The following ANKRD44 variants were observed in gnomAD, a reference collection of about 807,000 sequenced individuals.
The protein encoded by ANKRD44 is ankyrin repeat domain 44, also known as serine/threonine-protein phosphatase 6 regulatory ankyrin repeat subunit B.
Under a neutral mutation model 116.0 loss-of-function variants are expected in ANKRD44, and 35 were observed. The observed-to-expected ratio is 0.30, with a 90% CI of 0.23 to 0.40. ANKRD44 has a LOEUF of 0.40. Among genes scored for constraint, ANKRD44 ranks in the 10% least tolerant of loss-of-function variants. The pLI, the probability that ANKRD44 is intolerant of heterozygous loss-of-function variation, is 1.00. For synonymous variants in ANKRD44, 435 were observed against 461.8 expected (o/e 0.94, Z 0.74); for missense variants, 1,014 against 1,242.6 (o/e 0.82, Z 2.77).
At chr2:197,026,995 GAT>G (rs1280575924) in intron 16 of ANKRD44, among the ~76,000 whole-genome samples, 2 of 151,862 alleles carry the variant, frequency 1.3e-5, no homozygotes, top group African/African-American at 4.8e-5. Flanking sequence ...CTGTGAGTGG[GAT>G]ATATATAGTG....
chr2:197,174,414 T>A (rs1191568652), intron 2 of ANKRD44, among the ~76,000 whole-genome samples: 2 of 152,232 alleles, frequency 1.3e-5, no homozygotes, highest in African/African-American at 4.8e-5. Context: ...TGTATCCACA[T>A]AGATGAATCT....
At chr2:196,984,848 G>C (rs116608032), downstream of ANKRD44, among the ~76,000 whole-genome samples, 2 of 152,208 alleles carry the variant, frequency 1.3e-5, no homozygotes, top group Non-Finnish European at 2.9e-5. Context: ...CCAGGGTGGC[G>C]AGTAGCTTCC....
intron 21 of ANKRD44, among the ~76,000 whole-genome samples, chr2:196,977,593 A>T (rs2075769915): frequency 6.6e-6 from 1 of 152,280 alleles, no homozygotes; most frequent in Non-Finnish European, 1.5e-5. Context: ...GCACACAGAA[A>T]GGTGCTTGAC....
intron 1 of ANKRD44, among the ~76,000 whole-genome samples, chr2:197,222,816 A>AT (rs1248757485): frequency 1.2e-4 from 14 of 121,662 alleles, no homozygotes; most frequent in African/African-American, 4.1e-4. Flanking sequence ...TTTTTTATTT[A>AT]TTTATTTTTT....
chr2:197,089,903 A>T, intron 11 of ANKRD44, 47 bp downstream of exon 11: 1 of 1,541,646 alleles, frequency 6.5e-7, no homozygotes, highest in South Asian at 1.1e-5. Flanking sequence ...CCATTGACTC[A>T]TGTACAGGAC....
At chr2:197,139,470 T>C (rs561398246) in intron 3 of ANKRD44, among the ~76,000 whole-genome samples, 8 of 152,284 alleles carry the variant, frequency 5.3e-5, no homozygotes, top group African/African-American at 1.4e-4. Flanking sequence ...TATGGATGCA[T>C]AGATATAAAA....
chr2:197,047,037 A>G (rs193251451), intron 16 of ANKRD44, among the ~76,000 whole-genome samples: 1 of 138,186 alleles, frequency 7.2e-6, no homozygotes, highest in Admixed American at 7.3e-5. Context: ...TTTTTTTTTG[A>G]GATGGAGTTT....
At chr2:197,081,819 T>G in intron 14 of ANKRD44, 94 bp from the exon 15 acceptor site, 1 of 995,248 alleles carries the variant, frequency 1.0e-6, no homozygotes, top group Non-Finnish European at 1.5e-6. Context: ...TCTCAATGAT[T>G]TTTACCCCAA....
chr2:197,137,007 G>C (rs1162424011), intron 3 of ANKRD44, among the ~76,000 whole-genome samples: 2 of 152,186 alleles, frequency 1.3e-5, no homozygotes, highest in African/African-American at 2.4e-5. Context: ...CTCACACTCA[G>C]AAGAGTGCCC....
At chr2:197,109,593 G>A (rs2078517323) in intron 9 of ANKRD44, among the ~76,000 whole-genome samples, 1 of 152,144 alleles carries the variant, frequency 6.6e-6, no homozygotes, top group Non-Finnish European at 1.5e-5. Flanking sequence ...ACATAACTCA[G>A]TGCCACTAAT....
intron 1 of ANKRD44, among the ~76,000 whole-genome samples, chr2:197,271,034 G>A (rs2082884402): frequency 6.6e-6 from 1 of 152,212 alleles, no homozygotes; most frequent in Non-Finnish European, 1.5e-5. Flanking sequence ...GCTGGGAAGA[G>A]CCGCATTCTT....
At position 196,989,369 on chromosome 2, in the gene ANKRD44, A is replaced by G; in HGVS notation, c.*222T>C. 9.0e-7 allele frequency: 1 copy of G among 1,115,228 alleles called. No individual in the cohort carries two copies. Among genetic ancestry groups the G allele is most frequent in the Non-Finnish European group, 1.1e-6 (1 of 913,002 alleles). The allele number at this position is 1,115,228 out of a possible 1,614,324, so 69.1% of individuals were successfully genotyped here. On this transcript the variant is annotated 3_prime_UTR_variant, in exon 28 of 28. Transcript: ENST00000282272. Reference sequence around the variant, plus strand: ...GTCCTAAGAAATATAAAATACAACAAAGACTGGTACACAGAAAGATTACAT... The same window carrying G: ...GTCCTAAGAAATATAAAATACAACAGAGACTGGTACACAGAAAGATTACAT...
chr2:197,259,383 A>T (rs557523953), intron 1 of ANKRD44, among the ~76,000 whole-genome samples: 1 of 152,290 alleles, frequency 6.6e-6, no homozygotes, highest in East Asian at 1.9e-4. Context: ...TTGTAAACCT[A>T]AGAAACAAAA....
At chr2:197,121,747 A>T (rs2078859871) in intron 7 of ANKRD44, among the ~76,000 whole-genome samples, 1 of 152,242 alleles carries the variant, frequency 6.6e-6, no homozygotes, top group African/African-American at 2.4e-5. Flanking sequence ...TCAATGTGGC[A>T]AAAAATGAAC....
intron 16 of ANKRD44, among the ~76,000 whole-genome samples, chr2:197,027,281 T>C (rs1354577576): frequency 2.0e-5 from 3 of 152,058 alleles, no homozygotes; most frequent in Non-Finnish European, 4.4e-5. Context: ...AGGACGGCTT[T>C]AGCCCGGGAG....
At chr2:197,019,607 G>A (rs1355474235) in intron 17 of ANKRD44, among the ~76,000 whole-genome samples, 1 of 152,184 alleles carries the variant, frequency 6.6e-6, no homozygotes, top group East Asian at 1.9e-4. Flanking sequence ...CAGAGCCCAA[G>A]CTGTGAGGCT....
intron 16 of ANKRD44, among the ~76,000 whole-genome samples, chr2:197,062,998 C>G (rs938760111): frequency 6.6e-6 from 1 of 152,240 alleles, no homozygotes; most frequent in African/African-American, 2.4e-5. Context: ...AGCTGGAGAT[C>G]TGAGAATGGA....
chr2:197,038,245 G>A (rs188814035), intron 16 of ANKRD44, among the ~76,000 whole-genome samples: 16 of 152,272 alleles, frequency 1.1e-4, no homozygotes, highest in Non-Finnish European at 1.8e-4. Context: ...GGCTGTGCAT[G>A]GGGCGGGAGG....
intron 1 of ANKRD44, among the ~76,000 whole-genome samples, chr2:197,219,960 A>G (rs2697295): frequency 0.61 from 93,430 of 152,068 alleles, 30,625 homozygotes; most frequent in African/African-American, 0.86. Context: ...TTAACAAGCT[A>G]TAGAAGGCTG....
Sources: allele counts gnomAD v4.1 joint callset (sites outside exome capture counted in the v4.1 genomes callset), GRCh38; gene constraint gnomAD v4.1.1; transcripts MANE v1.5; gene names NCBI Gene and HGNC (gene_info 2026-07-23, HGNC 2026-07-21).